The following PRSS35 variants were observed in gnomAD, a reference collection of about 807,000 sequenced individuals.
PRSS35 encodes inactive serine protease 35.
PRSS35 carries 7 observed loss-of-function variants against 8.1 expected under a neutral mutation model. The observed-to-expected ratio is 0.86, with a 90% CI of 0.49 to 1.62. The LOEUF is 1.62. Among genes scored for constraint, PRSS35 ranks in the 40% most tolerant of loss-of-function variants. PRSS35 has a pLI of 0.00. For missense variants in PRSS35, 566 were observed against 518.0 expected, an observed-to-expected ratio of 1.09 and a Z score of -0.90; for synonymous variants, 199 against 188.7, an observed-to-expected ratio of 1.05 and a Z score of -0.45.
Position 83,523,412 on chromosome 6 carries a change from T to A in PRSS35, c.-20-10T>A. On this transcript the variant is annotated splice_polypyrimidine_tract_variant and intron_variant, in intron 1 of 1. Transcript: ENST00000369700. The stretch of plus-strand genomic sequence containing the variant: ...AACATTATAAACCTCTCTCTTTTTC[T>A]ATTTTTAAGGACAAAATTAGAAGAT... 6.3e-7 allele frequency: 1 copy of A among 1,576,498 alleles called. No homozygotes were observed. The highest frequency in any genetic ancestry group is 8.6e-7 in the Non-Finnish European group (1 of 1,161,588).
In PRSS35 at chr6:83,514,667, T is replaced by C. The variant is rs1771680342; in HGVS notation, c.-21+1973T>C. Among the ~76,000 whole-genome samples the C allele has an allele frequency of 2.0e-5, 3 of 152,322 alleles. No individual in the cohort carries two copies. In the South Asian group the frequency reaches 6.2e-4, roughly 32 times the overall value. On this transcript the variant is annotated intron_variant, in intron 1 of 1. Transcript: ENST00000369700. ...AAAGTATTTGATAAACGTGAAATAT[T>C]TGGCAGGTTCAAGATTTTCCTTAGC...
Position 83,524,662 on chromosome 6 carries a change from T to A in PRSS35, c.1221T>A (p.Asp407Glu). The change falls in exon 2 of 2, where the codon GAT (aspartate) becomes GAA (glutamate). Residue 407 changes from aspartate to glutamate, a missense_variant. Asp to Glu is a conservative substitution (Grantham distance 45). Coordinates refer to ENST00000369700, the MANE Select transcript of PRSS35 (RefSeq NM_153362.3). ...AQICLWIHGN[D>E]ANCAYG ...TTTGCCTCTGGATTCACGGGAACGATGCCAATTGTGCTTACGGCTAACAGA... is the reference window on the plus strand; with the variant it reads ...TTTGCCTCTGGATTCACGGGAACGAAGCCAATTGTGCTTACGGCTAACAGA... 7 of 1,609,966 alleles carry A rather than the reference T, an allele frequency of 4.3e-6. No individual in the cohort carries two copies. Among genetic ancestry groups the A allele is most frequent in the Non-Finnish European group, 5.1e-6 (6 of 1,178,240 alleles).
chr6:83,517,396 C>T (rs913129149), intron 1 of PRSS35, among the ~76,000 whole-genome samples: 7 of 152,188 alleles, frequency 4.6e-5, no homozygotes, highest in Non-Finnish European at 7.3e-5. Context: ...TGTCAGGGAG[C>T]GCCTCAGTGG....
chr6:83,515,184 T>G (rs536436729), intron 1 of PRSS35, among the ~76,000 whole-genome samples: 55 of 152,304 alleles, frequency 3.6e-4, no homozygotes, highest in Admixed American at 4.6e-4. Context: ...TCTAGAACTT[T>G]AAAGCTGGAA....
At position 83,523,462 on chromosome 6, in the gene PRSS35, G is replaced by A. The variant is rs540921970; in HGVS notation, c.21G>A (p.Trp7Ter). The A allele has an allele frequency of 4.3e-6, 7 of 1,613,274 alleles. No individual in the cohort carries two copies. Among genetic ancestry groups the A allele is most frequent in the Middle Eastern group, 1.7e-4 (1 of 6,060 alleles). MENMLL[W>*]LIFFTPGWTL... ...TCAAAATGGAAAATATGCTGCTTTG[G>A]TTGATATTTTTCACCCCTGGGTGGA... is the stretch of plus-strand genomic sequence containing the variant. The change falls in exon 2 of 2, where the codon TGG becomes TGA. Residue 7 changes from tryptophan (W) to a stop codon, truncating the protein, a stop_gained. Coordinates refer to ENST00000369700, the MANE Select transcript of PRSS35 (RefSeq NM_153362.3). LOFTEE classifies it low-confidence loss of function (END_TRUNC).
Position 83,523,936 on chromosome 6 carries a change from A to T in PRSS35, c.495A>T (p.Leu165=), listed in dbSNP as rs775567249. ...TTCTCATTTCCCCTCAGCATGTTCT[A>T]ACTGCTGCCCACTGTGTTCATGATG... ...SGILISPQHV[L]TAAHCVHDGK... The change falls in exon 2 of 2, where the codon CTA becomes CTT. Residue 165 remains leucine, a synonymous_variant. Coordinates refer to ENST00000369700, the MANE Select transcript of PRSS35 (RefSeq NM_153362.3). 5 of 1,614,154 alleles carry T rather than the reference A, an allele frequency of 3.1e-6. No individual in the cohort carries two copies. In the South Asian group the frequency reaches 5.5e-5, roughly 18 times the overall value.
chr6:83,515,774 G>A (rs1181265059), intron 1 of PRSS35, among the ~76,000 whole-genome samples: 5 of 151,048 alleles, frequency 3.3e-5, no homozygotes, highest in Non-Finnish European at 3.0e-5. Flanking sequence ...GAGGCACCGC[G>A]CCCGGCCCTT....
At position 83,524,610 on chromosome 6, in the gene PRSS35, G is replaced by C. The variant is rs747045465; in HGVS notation, c.1169G>C (p.Arg390Pro). 6.2e-7 allele frequency: 1 copy of C among 1,614,062 alleles called. No homozygotes were observed. The change falls in exon 2 of 2, where the codon CGC becomes CCC. Residue 390 changes from arginine (R) to proline (P), a missense_variant. By Grantham distance (103) the Arg-to-Pro change is moderately radical. Coordinates refer to ENST00000369700, the MANE Select transcript of PRSS35 (RefSeq NM_153362.3). ...CAGAAGGACTACAACGTTGCTGTTC[G>C]CATCACTCCCCTAAAATACGCCCAG... ...GVQKDYNVAV[R>P]ITPLKYAQIC...
At position 83,523,846 on chromosome 6, in the gene PRSS35, CA is replaced by C. The variant is rs1206750750; in HGVS notation, c.409del (p.Arg137GlyfsTer3). ...GTDSRFSILD[K>X]RFLTNFPFST... The stretch of plus-strand genomic sequence containing the variant: ...CCGACAGCAGGTTCAGCATCTTGGA[CA>C]AAAGGTTCTTAACCAATTTCCCTTT... On this transcript the variant is annotated frameshift_variant, in exon 2 of 2. Transcript: ENST00000369700. LOFTEE classifies it low-confidence loss of function (END_TRUNC). 4 of 1,614,196 alleles carry C rather than the reference CA, an allele frequency of 2.5e-6. No homozygotes were observed. The highest frequency in any genetic ancestry group is 4.5e-5 in the East Asian group (2 of 44,880).
At chr6:83,516,858 T>C (rs376608911) in intron 1 of PRSS35, among the ~76,000 whole-genome samples, 13 of 152,140 alleles carry the variant, frequency 8.5e-5, no homozygotes, top group African/African-American at 3.1e-4. Context: ...TATGATTGCA[T>C]TGGACCCACC....
chr6:83,519,357 A>C (rs1771777913), intron 1 of PRSS35, among the ~76,000 whole-genome samples: 1 of 152,222 alleles, frequency 6.6e-6, no homozygotes, highest in Non-Finnish European at 1.5e-5. Flanking sequence ...TTGAAGCCCC[A>C]AATGCAAGCC....
Position 83,524,384 on chromosome 6 carries a change from G to T in PRSS35, c.943G>T (p.Asp315Tyr). Residue 315 changes from aspartate (D) to tyrosine (Y), a missense_variant, in exon 2 of 2, where the codon GAT (aspartate) becomes TAT (tyrosine). Coordinates refer to ENST00000369700, the MANE Select transcript of PRSS35 (RefSeq NM_153362.3). ...GMIHFSGFDNDRADQLVYRFC... is the reference protein window; with the variant it reads ...GMIHFSGFDNYRADQLVYRFC... ...GATCCACTTCTCAGGATTTGATAACGATAGGGCTGATCAGTTGGTCTATCG... is the reference window on the plus strand; with the variant it reads ...GATCCACTTCTCAGGATTTGATAACTATAGGGCTGATCAGTTGGTCTATCG... The T allele has an allele frequency of 6.2e-7, 1 of 1,614,156 alleles. No individual in the cohort carries two copies.
intron 1 of PRSS35, among the ~76,000 whole-genome samples, chr6:83,515,419 T>C (rs1175679326): frequency 6.6e-6 from 1 of 152,238 alleles, no homozygotes; most frequent in Non-Finnish European, 1.5e-5. Context: ...TAAAATTGCA[T>C]TTCTGTATAT....
chr6:83,514,510 A>T (rs1022098452), intron 1 of PRSS35, among the ~76,000 whole-genome samples: 1 of 152,202 alleles, frequency 6.6e-6, no homozygotes, highest in Non-Finnish European at 1.5e-5. Context: ...GTCTCCATTT[A>T]TGAAACTAAA....
intron 1 of PRSS35, among the ~76,000 whole-genome samples, chr6:83,517,402 A>T (rs1771743399): frequency 6.6e-6 from 1 of 152,218 alleles, no homozygotes; most frequent in Admixed American, 6.5e-5. Flanking sequence ...GGAGCGCCTC[A>T]GTGGATCAGG....
Position 83,523,883 on chromosome 6 carries a change from G to T in PRSS35, c.442G>T (p.Val148Leu). 6.2e-7 allele frequency: 1 copy of T among 1,614,214 alleles called. No individual in the cohort carries two copies. The highest frequency in any genetic ancestry group is 8.5e-7 in the Non-Finnish European group (1 of 1,180,036). Residue 148 changes from valine (V) to leucine (L), a missense_variant, in exon 2 of 2, where the codon GTG becomes TTG. Val to Leu is a conservative substitution (Grantham distance 32). Transcript: ENST00000369700. ...FLTNFPFSTA[V>L]KLSTGCSGIL... ...AACCAATTTCCCTTTCAGCACAGCT[G>T]TGAAGCTTTCCACGGGCTGTAGTGG...
At chr6:83,513,387 A>G (rs1014998085) in intron 1 of PRSS35, among the ~76,000 whole-genome samples, 4 of 152,230 alleles carry the variant, frequency 2.6e-5, no homozygotes, top group African/African-American at 9.6e-5. Context: ...GATTGCTCTG[A>G]CATTTTTACA....
chr6:83,519,419 G>A (rs1008931722), intron 1 of PRSS35, among the ~76,000 whole-genome samples: 1 of 152,186 alleles, frequency 6.6e-6, no homozygotes, highest in African/African-American at 2.4e-5. Flanking sequence ...CAGGAAAAAT[G>A]AGGGGGATGG....
Sources: gnomAD v4.1 joint callset for allele counts (sites outside exome capture counted in the v4.1 genomes callset) on GRCh38, gnomAD v4.1.1 for gene constraint, MANE v1.5 for transcripts, NCBI Gene and HGNC (gene_info 2026-07-23, HGNC 2026-07-21) for gene names.